KLF17: variants seen among roughly 807,000 people sequenced by gnomAD.
KLF17 encodes Krueppel-like factor 17.
KLF17 carries 31 observed loss-of-function variants against 34.2 expected under a neutral mutation model. The ratio of observed to expected loss-of-function variants is 0.91; its 90% CI spans 0.68 to 1.22. The LOEUF is 1.22. Among genes scored for constraint, KLF17 ranks in the 50% most tolerant of loss-of-function variants. The pLI, the probability that KLF17 is intolerant of heterozygous loss-of-function variation, is 0.00. For missense variants in KLF17, 478 were observed against 505.2 expected, an observed-to-expected ratio of 0.95 and a Z score of 0.52; for synonymous variants, 179 against 186.7, an observed-to-expected ratio of 0.96 and a Z score of 0.34.
At chr1:44,070,206 T>G in the KLF17 span, among the ~76,000 whole-genome samples, 29 of 152,358 alleles carry the variant, frequency 1.9e-4, no homozygotes, top group African/African-American at 7.0e-4. Flanking sequence ...TTTTTAAATT[T>G]GTATGCATTT....
At chr1:44,068,562 T>C in the KLF17 span, among the ~76,000 whole-genome samples, 31 of 152,328 alleles carry the variant, frequency 2.0e-4, no homozygotes, top group African/African-American at 7.2e-4. Context: ...GCCTTGGCCT[T>C]GATCTCAAGC....
intron 1 of KLF17, among the ~76,000 whole-genome samples, chr1:44,121,412 G>A (rs1173558058): frequency 6.6e-6 from 1 of 152,212 alleles, no homozygotes; most frequent in Non-Finnish European, 1.5e-5. Context: ...GCCACGCCCA[G>A]CCGATAATTC....
chr1:44,104,592 T>C, the KLF17 span: 1 of 604,040 alleles, frequency 1.7e-6, no homozygotes, highest in Non-Finnish European at 3.1e-6. Context: ...ATGCCTCCCA[T>C]GCCGCTGGTC....
chr1:44,113,068 C>G, the KLF17 span, among the ~76,000 whole-genome samples: 1 of 152,192 alleles, frequency 6.6e-6, no homozygotes, highest in Non-Finnish European at 1.5e-5. Flanking sequence ...CCTGGACATT[C>G]CCATTTCTCA....
chr1:44,110,615 AC>A, the KLF17 span: 1 of 152,050 alleles, frequency 6.6e-6, no homozygotes. Context: ...AAGCACTTGA[AC>A]CCTGGAGGTG....
the KLF17 span, among the ~76,000 whole-genome samples, chr1:44,087,602 A>G: frequency 2.7e-5 from 4 of 150,446 alleles, no homozygotes; most frequent in Non-Finnish European, 4.4e-5. Flanking sequence ...TCCAGGATGG[A>G]GGTACAAGCA....
chr1:44,125,426 G>A (rs930880301), intron 1 of KLF17, among the ~76,000 whole-genome samples: 6 of 152,166 alleles, frequency 3.9e-5, no homozygotes. Flanking sequence ...TAAGCGATGA[G>A]TCACTTCTCT....
chr1:44,074,081 T>A, the KLF17 span, among the ~76,000 whole-genome samples: 1 of 151,920 alleles, frequency 6.6e-6, no homozygotes, highest in African/African-American at 2.4e-5. Flanking sequence ...CATGCTCAGT[T>A]CTCATTCTAC....
chr1:44,124,334 C>CTT lies in KLF17; in HGVS notation c.82-5007_82-5006dup, dbSNP rs562700840. Among the ~76,000 whole-genome samples, 594 of 137,800 alleles carry CTT rather than the reference C, an allele frequency of 4.3e-3. 2 individuals carry two copies. Among genetic ancestry groups the CTT allele is most frequent in the African/African-American group, 0.015 (563 of 37,654 alleles). 90.4% of individuals were successfully genotyped at this position (137,800 alleles called of 152,430 possible). ...AACACAATTTCCTTTTGTATATATT[C>CTT]TTTTTTTTTTTTTGAGACAGAGTCT... On this transcript the variant is annotated intron_variant, in intron 1 of 3. Transcript: ENST00000372299.
At chr1:44,121,907 C>T (rs1388693416) in intron 1 of KLF17, among the ~76,000 whole-genome samples, 1 of 152,196 alleles carries the variant, frequency 6.6e-6, no homozygotes, top group Admixed American at 6.5e-5. Flanking sequence ...TGTGATTCTG[C>T]CTTTTGTGTA....
At chr1:44,088,102 CTTAT>C in the KLF17 span, 7 of 168,514 alleles carry the variant, frequency 4.2e-5, no homozygotes, top group Non-Finnish European at 8.5e-5. Flanking sequence ...GCCAAGCACT[CTTAT>C]TTTTATTTAT....
chr1:44,129,000 G>A (rs898280747), intron 1 of KLF17, among the ~76,000 whole-genome samples: 10 of 150,572 alleles, frequency 6.6e-5, no homozygotes, highest in Admixed American at 3.3e-4. Context: ...CAACAAGAGC[G>A]AAACTCCGTC....
chr1:44,067,916 C>T, the KLF17 span, among the ~76,000 whole-genome samples: 2 of 152,138 alleles, frequency 1.3e-5, no homozygotes, highest in Admixed American at 1.3e-4. Flanking sequence ...TCTGTGTTTC[C>T]TGTGTACCCT....
At chr1:44,064,805 T>A in the KLF17 span, among the ~76,000 whole-genome samples, 1 of 152,244 alleles carries the variant, frequency 6.6e-6, no homozygotes, top group African/African-American at 2.4e-5. Flanking sequence ...GAGGTATACA[T>A]GTATATTTAA....
At chr1:44,104,585 C>A in the KLF17 span, 5 of 612,832 alleles carry the variant, frequency 8.2e-6, no homozygotes, top group Non-Finnish European at 1.5e-5. Flanking sequence ...AGCAGTGATG[C>A]CTCCCATGCC....
chr1:44,122,057 C>T, intron 1 of KLF17: 21 of 755,596 alleles, frequency 2.8e-5, no homozygotes, highest in Non-Finnish European at 3.3e-5. Context: ...ATTTTTTTGT[C>T]CCACTTTTAT....
Position 44,134,193 on chromosome 1 carries a change from T to G in KLF17, c.*956T>G, listed in dbSNP as rs1193211771. The G allele has an allele frequency of 6.6e-6, 1 of 152,262 alleles. No individual in the cohort carries two copies. The highest frequency in any genetic ancestry group is 2.4e-5 in the African/African-American group (1 of 41,444). The allele number at this position is 152,262 out of a possible 1,614,324, so 9.4% of individuals were successfully genotyped here. A position where few individuals can be genotyped will look rare whatever the true frequency, so the allele number is the denominator to read the frequency against. The stretch of plus-strand genomic sequence containing the variant: ...AATGGTGGGCAAAACAGGCTCCTGC[T>G]CTTGTGGAGGTCACAATCTAGCGGA... On this transcript the variant is annotated 3_prime_UTR_variant, in exon 4 of 4. Transcript: ENST00000372299.
the KLF17 span, among the ~76,000 whole-genome samples, chr1:44,078,598 C>T: frequency 2.0e-5 from 3 of 151,998 alleles, no homozygotes; most frequent in Admixed American, 1.3e-4. Flanking sequence ...CCAGTACGCC[C>T]GGCTAATTTT....
In KLF17 at chr1:44,132,997, C is replaced by T. The variant is rs139676858; in HGVS notation, c.*1-241C>T. ...GGTCTCTTCCGTAAGAAGATGGTGCCTTCTATGGGTGTTTCCTGAACGAGG... is the reference window on the plus strand; with the variant it reads ...GGTCTCTTCCGTAAGAAGATGGTGCTTTCTATGGGTGTTTCCTGAACGAGG... On this transcript the variant is annotated intron_variant, in intron 3 of 3. Transcript: ENST00000372299. 1.1e-4 allele frequency among the ~76,000 whole-genome samples: 16 copies of T among 152,268 alleles called. 2 individuals are homozygous for T. The highest frequency in any genetic ancestry group is 3.9e-4 in the African/African-American group (16 of 41,552).
Sources: allele counts gnomAD v4.1 joint callset (sites outside exome capture counted in the v4.1 genomes callset), GRCh38; gene constraint gnomAD v4.1.1; transcripts MANE v1.5; gene names NCBI Gene and HGNC (gene_info 2026-07-23, HGNC 2026-07-21).